VWA8: variants seen among roughly 807,000 people sequenced by gnomAD.
The protein encoded by VWA8 is von Willebrand factor A domain-containing protein 8.
In VWA8, 221 loss-of-function variants were observed where a neutral mutation model predicts 241.5. That is an observed-to-expected ratio of 0.91 (90% CI 0.82 to 1.02). VWA8 has a LOEUF of 1.02. Among genes scored for constraint, VWA8 ranks in the 50% least tolerant of loss-of-function variants. The pLI is 0.00. For missense variants in VWA8, 2,322 were observed against 2,328.7 expected (o/e 1.00, Z 0.06); for synonymous variants, 852 against 827.1 (o/e 1.03, Z -0.52).
chr13:41,881,802 G>A (rs1289233876), intron 9 of VWA8, among the ~76,000 whole-genome samples: 1 of 146,242 alleles, frequency 6.8e-6, no homozygotes, highest in Non-Finnish European at 1.5e-5. Flanking sequence ...AGTAGGGGCG[G>A]CCGGGCAGAG....
At chr13:41,865,630 C>A (rs2138049261) in intron 12 of VWA8, 106 bp downstream of exon 12, 1 of 1,241,260 alleles carries the variant, frequency 8.1e-7, no homozygotes, top group East Asian at 2.5e-5. Flanking sequence ...GGTTCTTTAC[C>A]TATATAAAAA....
intron 21 of VWA8, among the ~76,000 whole-genome samples, chr13:41,740,063 G>A (rs2045557857): frequency 6.6e-6 from 1 of 151,808 alleles, no homozygotes; most frequent in Non-Finnish European, 1.5e-5. Context: ...CACTGTGTTA[G>A]CCAGGATGGT....
chr13:41,883,627 A>G, intron 8 of VWA8, 136 bp from the exon 9 acceptor site: 1 of 613,656 alleles, frequency 1.6e-6, no homozygotes, highest in South Asian at 2.0e-5. Context: ...TAAGTCTACA[A>G]AAGCAAATAT....
At chr13:41,597,967 A>AT (rs1379406890) in intron 40 of VWA8, among the ~76,000 whole-genome samples, 2 of 151,716 alleles carry the variant, frequency 1.3e-5, no homozygotes, top group Non-Finnish European at 2.9e-5. Flanking sequence ...TCCTGTCCTC[A>AT]TTTTCTCTCC....
intron 36 of VWA8, among the ~76,000 whole-genome samples, chr13:41,672,805 T>C (rs958050423): frequency 2.0e-5 from 3 of 152,148 alleles, no homozygotes; most frequent in African/African-American, 7.2e-5. Flanking sequence ...TCAATAAATA[T>C]TTGCTGCAGG....
At chr13:41,824,394 A>G (rs1312007081) in intron 14 of VWA8, among the ~76,000 whole-genome samples, 3 of 152,236 alleles carry the variant, frequency 2.0e-5, no homozygotes, top group Non-Finnish European at 4.4e-5. Context: ...GGTTTCATTC[A>G]CTAACTTAAG....
At position 41,832,747 on chromosome 13, in the gene VWA8, C is replaced by T. The variant is rs115406352; in HGVS notation, c.1586+624G>A. ...GAATATTTTCTACAAAAGTTACACA[C>T]GAAGAGCCTTCTCTTAACATTAAAT... is the stretch of plus-strand genomic sequence containing the variant. On this transcript the variant is annotated intron_variant, in intron 13 of 44. Coordinates refer to ENST00000379310, the MANE Select transcript of VWA8 (RefSeq NM_015058.2). Among the ~76,000 whole-genome samples the T allele has an allele frequency of 3.6e-3, 554 of 152,132 alleles. 2 individuals carry two copies. Among genetic ancestry groups the T allele is most frequent in the African/African-American group, 0.013 (524 of 41,504 alleles).
intron 16 of VWA8, among the ~76,000 whole-genome samples, chr13:41,816,070 A>C (rs1870675890): frequency 6.6e-6 from 1 of 152,254 alleles, no homozygotes; most frequent in African/African-American, 2.4e-5. Context: ...AAGACAGTTT[A>C]GTTGTACAAG....
At chr13:41,779,235 AAT>A (rs940978012) in intron 19 of VWA8, among the ~76,000 whole-genome samples, 5 of 147,994 alleles carry the variant, frequency 3.4e-5, no homozygotes, top group African/African-American at 4.9e-5. Context: ...AAAATATATA[AAT>A]ATATATGATA....
At chr13:41,641,200 T>C (rs1243791781) in intron 37 of VWA8, among the ~76,000 whole-genome samples, 3 of 152,264 alleles carry the variant, frequency 2.0e-5, no homozygotes, top group Middle Eastern at 3.4e-3. Flanking sequence ...GGGCAAGATA[T>C]GGCTAGCAGG....
intron 14 of VWA8, among the ~76,000 whole-genome samples, chr13:41,830,084 A>T (rs1871370480): frequency 1.3e-5 from 2 of 152,104 alleles, no homozygotes; most frequent in Admixed American, 1.3e-4. Context: ...CTACTAAAAA[A>T]TACAAAAAAT....
At chr13:41,887,680 G>A (rs1216925367) in intron 5 of VWA8, among the ~76,000 whole-genome samples, 1 of 152,214 alleles carries the variant, frequency 6.6e-6, no homozygotes, top group Non-Finnish European at 1.5e-5. Flanking sequence ...TACATGACTA[G>A]AGGTTGTAAC....
intron 2 of VWA8, among the ~76,000 whole-genome samples, chr13:41,938,257 C>A (rs998495737): frequency 6.6e-6 from 1 of 151,846 alleles, no homozygotes; most frequent in Non-Finnish European, 1.5e-5. Flanking sequence ...AAAGTAGGCA[C>A]ACTGGATAAA....
At chr13:41,748,185 C>G (rs1211693595) in intron 21 of VWA8, among the ~76,000 whole-genome samples, 3 of 152,186 alleles carry the variant, frequency 2.0e-5, no homozygotes, top group Admixed American at 6.5e-5. Flanking sequence ...ACCAGCTCCT[C>G]CTTGTACCTC....
intron 40 of VWA8, among the ~76,000 whole-genome samples, chr13:41,598,726 C>A (rs953559001): frequency 2.0e-4 from 31 of 152,184 alleles, no homozygotes; most frequent in Admixed American, 4.6e-4. Context: ...GACCTTGTTC[C>A]ACTATCCTGT....
chr13:41,776,335 T>A (rs1330177557), intron 20 of VWA8, among the ~76,000 whole-genome samples: 1 of 152,212 alleles, frequency 6.6e-6, no homozygotes. Flanking sequence ...TTGGGCTATA[T>A]ACAACCTGAA....
At chr13:41,868,941 C>T (rs9532942) in intron 9 of VWA8, among the ~76,000 whole-genome samples, 118,432 of 143,944 alleles carry the variant, frequency 0.82, 48,958 homozygotes, top group East Asian at 1. Flanking sequence ...AAAAAGTTAA[C>T]GAAAATTTTT....
intron 37 of VWA8, among the ~76,000 whole-genome samples, chr13:41,653,781 G>A (rs557009339): frequency 1.4e-4 from 22 of 152,064 alleles, no homozygotes; most frequent in Non-Finnish European, 2.9e-4. Flanking sequence ...TATGATTCTC[G>A]ACAAAGTCAA....
rs762570477 is a variant in VWA8, at chr13:41,590,660, G to A, written c.5092C>T (p.Arg1698Trp). 4.3e-6 allele frequency: 7 copies of A among 1,613,942 alleles called. No homozygotes were observed. In the Admixed American group the frequency reaches 5.0e-5, roughly 12 times the overall value. ...LTGEKAIYKRRGELEPQLGSP... is the reference protein window; with the variant it reads ...LTGEKAIYKRWGELEPQLGSP... ...CTTACTTGTGGCTCCAGCTCACCCCGACGTTTGTAGATGGCTTTTTCTCCA... is the reference window on the plus strand; with the variant it reads ...CTTACTTGTGGCTCCAGCTCACCCCAACGTTTGTAGATGGCTTTTTCTCCA... The change falls in exon 41 of 45, where the codon CGG becomes TGG. Residue 1698 changes from arginine (R) to tryptophan (W), a missense_variant. Physicochemically the swap from Arg to Trp is moderately radical, Grantham distance 101 (BLOSUM62 -3). Transcript: ENST00000379310.
Sources: allele counts gnomAD v4.1 joint callset (sites outside exome capture counted in the v4.1 genomes callset), GRCh38; gene constraint gnomAD v4.1.1; transcripts MANE v1.5; gene names NCBI Gene and HGNC (gene_info 2026-07-23, HGNC 2026-07-21).